BAIAP2: variants seen among roughly 807,000 people sequenced by gnomAD.
BAIAP2 encodes BAR/IMD domain containing adaptor protein 2, also known as BAR/IMD domain-containing adapter protein 2.
Under a neutral mutation model 63.0 loss-of-function variants are expected in BAIAP2, and 18 were observed. The observed-to-expected ratio is 0.29, with a 90% confidence interval of 0.20 to 0.42. The LOEUF (loss-of-function observed/expected upper bound fraction) is 0.42, where lower values mean the gene tolerates loss of function less well. Ranked by LOEUF, BAIAP2 falls within the 10% of genes least tolerant of loss-of-function variation. BAIAP2 has a pLI of 1.00. For synonymous variants in BAIAP2, 386 were observed against 307.6 expected, an observed-to-expected ratio of 1.25 and a Z score of -2.67; for missense variants, 610 against 734.3, an observed-to-expected ratio of 0.83 and a Z score of 1.96.
chr17:81,116,178 C>T lies in BAIAP2; in HGVS notation c.*339C>T. ...GCCAGCTGGTGGCTGGGAGGGGAGC[C>T]TGGCTGCCCTGCTGCTTCTCCTGCC... On this transcript the variant is annotated 3_prime_UTR_variant, in exon 14 of 14. Transcript: ENST00000428708. 2 of 1,606,294 alleles carry T rather than the reference C, an allele frequency of 1.2e-6. No homozygotes were observed. The highest frequency in any genetic ancestry group is 2.2e-5 in the East Asian group (1 of 44,756).
chr17:81,104,365 C>T (rs149497152), intron 9 of BAIAP2, 149 bp from the exon 10 acceptor site: 31 of 915,082 alleles, frequency 3.4e-5, no homozygotes, highest in African/African-American at 6.7e-5. Context: ...CACTTGGGAG[C>T]AGGTAGCTGC....
At chr17:81,060,315 A>C (rs55981747) in intron 3 of BAIAP2, among the ~76,000 whole-genome samples, 1 of 152,034 alleles carries the variant, frequency 6.6e-6, no homozygotes, top group Admixed American at 6.6e-5. Flanking sequence ...TTAGCACCCC[A>C]AAAAGAAATC....
intron 1 of BAIAP2, among the ~76,000 whole-genome samples, chr17:81,037,923 C>T (rs2046510051): frequency 6.6e-6 from 1 of 152,262 alleles, no homozygotes; most frequent in South Asian, 2.1e-4. Flanking sequence ...AGACTTTGAC[C>T]TCTTTTCTGG....
Position 81,099,705 on chromosome 17 carries a change from C to T in BAIAP2, c.490-223C>T, listed in dbSNP as rs563555433. 5.8e-4 allele frequency among the ~76,000 whole-genome samples: 88 copies of T among 152,242 alleles called. 1 individual carries two copies. The highest frequency in any genetic ancestry group is 5.9e-5 in the Non-Finnish European group (4 of 68,002). ...CAGAGTGGTCCCGGGGCAGGGAAGC[C>T]TTCTGGGGATGTGGCCATCGGGCAT... On this transcript the variant is annotated intron_variant, in intron 6 of 13. Transcript: ENST00000428708.
chr17:81,036,998 C>A, intron 1 of BAIAP2: 1 of 1,498,542 alleles, frequency 6.7e-7, no homozygotes, highest in Non-Finnish European at 9.0e-7. Context: ...GGGGGACCGA[C>A]CCCGTGATCG....
chr17:81,076,896 A>G (rs1425964374), intron 3 of BAIAP2, among the ~76,000 whole-genome samples: 1 of 152,072 alleles, frequency 6.6e-6, no homozygotes, highest in Admixed American at 6.5e-5. Context: ...CCTCGAACCC[A>G]GGAGTTGGAG....
intron 3 of BAIAP2, among the ~76,000 whole-genome samples, chr17:81,077,365 G>A (rs1224029508): frequency 6.6e-6 from 1 of 151,962 alleles, no homozygotes; most frequent in East Asian, 1.9e-4. Context: ...TCAGGAGTTT[G>A]AGACCAGCCT....
intron 6 of BAIAP2, among the ~76,000 whole-genome samples, chr17:81,090,380 C>T (rs542886072): frequency 2.6e-5 from 4 of 152,244 alleles, no homozygotes; most frequent in Admixed American, 1.3e-4. Flanking sequence ...CCTCCCCATC[C>T]GCCTCCTTCC....
rs370558964 is a variant in BAIAP2 at position 81,116,738 on chromosome 17, CTGTT to C, written c.*912_*915del. ...ATTAGCAGATTTGTGCTCTTCCATA[CTGTT>C]TGTTTGTTTGTTAGGTGAAATACAG... On this transcript the variant is annotated 3_prime_UTR_variant, in exon 14 of 14. Coordinates refer to ENST00000428708, the MANE Select transcript of BAIAP2 (RefSeq NM_001144888.2). 1,384 of 203,824 alleles carry C rather than the reference CTGTT, an allele frequency of 6.8e-3. 11 individuals carry two copies. Among genetic ancestry groups the C allele is most frequent in the South Asian group, 0.024 (258 of 10,768 alleles). The allele number at this position is 203,824 out of a possible 1,614,324, so 12.6% of individuals were successfully genotyped here.
At chr17:81,089,752 C>G (rs1021938453) in intron 6 of BAIAP2, among the ~76,000 whole-genome samples, 4 of 152,076 alleles carry the variant, frequency 2.6e-5, no homozygotes, top group African/African-American at 9.7e-5. Context: ...TGCTAGTTGC[C>G]GAGGCAAATG....
chr17:81,058,237 G>A (rs922422992), intron 3 of BAIAP2, among the ~76,000 whole-genome samples: 4 of 152,200 alleles, frequency 2.6e-5, no homozygotes, highest in Non-Finnish European at 4.4e-5. Flanking sequence ...AAATTGGAGC[G>A]GCTGACATGG....
intron 1 of BAIAP2, among the ~76,000 whole-genome samples, chr17:81,050,849 T>C (rs550722937): frequency 6.7e-6 from 1 of 149,298 alleles, no homozygotes; most frequent in South Asian, 2.1e-4. Flanking sequence ...CGCATCCTCC[T>C]CACTTGGCTG....
rs527645623 is a variant in BAIAP2, at chr17:81,104,741, C to T, written c.1268+26C>T. 320 of 1,537,926 alleles carry T rather than the reference C, an allele frequency of 2.1e-4. 1 individual carries two copies. The South Asian group carries it at 3.4e-3, about 16-fold the overall frequency. ...GTGAGTGTTTCTCGGGGGCGGGCTC[C>T]AGGCAGCCGCTGCCTTCAGCAAGTG... On this transcript the variant is annotated intron_variant, in intron 10 of 13. Transcript: ENST00000428708.
At chr17:81,078,895 C>T (rs1382535554) in intron 3 of BAIAP2, among the ~76,000 whole-genome samples, 3 of 152,006 alleles carry the variant, frequency 2.0e-5, no homozygotes, top group African/African-American at 7.3e-5. Context: ...CACCTTTGAG[C>T]TGTGGGGGTG....
chr17:81,108,953 T>C, intron 13 of BAIAP2: 1 of 1,547,434 alleles, frequency 6.5e-7, no homozygotes, highest in Non-Finnish European at 8.7e-7. Flanking sequence ...AGCCGTCCTG[T>C]GCTTTGTTTC....
chr17:81,091,027 C>T (rs2056645122), intron 6 of BAIAP2, among the ~76,000 whole-genome samples: 1 of 152,006 alleles, frequency 6.6e-6, no homozygotes, highest in Non-Finnish European at 1.5e-5. Context: ...GCAGCCCCGC[C>T]CCTCCAGTGC....
intron 6 of BAIAP2, among the ~76,000 whole-genome samples, chr17:81,088,481 C>T (rs1343689648): frequency 1.3e-5 from 2 of 152,220 alleles, no homozygotes; most frequent in Non-Finnish European, 2.9e-5. Flanking sequence ...TCACTCAGTC[C>T]GTTTTAGAGC....
chr17:81,109,463 C>T (rs2059632783), intron 13 of BAIAP2: 3 of 987,246 alleles, frequency 3.0e-6, no homozygotes, highest in Non-Finnish European at 3.6e-6. Context: ...TGCATGGACT[C>T]CGGTGTGCGC....
At chr17:81,109,845 G>A in intron 13 of BAIAP2, 1 of 985,440 alleles carries the variant, frequency 1.0e-6, no homozygotes, top group Non-Finnish European at 1.2e-6. Context: ...CCTTGTGAGG[G>A]CATCGATGCT....
Sources: allele counts gnomAD v4.1 joint callset (sites outside exome capture counted in the v4.1 genomes callset), GRCh38; gene constraint gnomAD v4.1.1; transcripts MANE v1.5; gene names NCBI Gene and HGNC (gene_info 2026-07-23, HGNC 2026-07-21).